The following BACH2 variants were observed in gnomAD, a reference collection of about 807,000 sequenced individuals.
BACH2 encodes the protein BACH transcriptional regulator 2.
Under a neutral mutation model 61.8 loss-of-function variants are expected in BACH2, and 5 were observed. The ratio of observed to expected loss-of-function variants is 0.08; its 90% CI spans 0.04 to 0.17. The LOEUF (loss-of-function observed/expected upper bound fraction) is 0.17, where lower values mean the gene tolerates loss of function less well. Ranked by LOEUF, BACH2 falls within the 10% of genes least tolerant of loss-of-function variation. The probability of loss-of-function intolerance (pLI) is 1.00; values close to 1 mark genes in which losing one functional copy is unlikely to be tolerated. For missense variants in BACH2, 824 were observed against 1,091.1 expected (o/e 0.76, Z 3.45); for synonymous variants, 446 against 440.1 (o/e 1.01, Z -0.17).
intron 4 of BACH2, among the ~76,000 whole-genome samples, chr6:90,090,902 A>G (rs1189098680): frequency 6.6e-6 from 1 of 152,182 alleles, no homozygotes; most frequent in African/African-American, 2.4e-5. Context: ...AAAAGCAGAA[A>G]AAGATGCAAA....
At position 90,296,555 on chromosome 6, in the gene BACH2, C is replaced by G. The variant is rs2127898234; in HGVS notation, c.-521G>C. 6.6e-6 allele frequency: 1 copy of G among 151,846 alleles called. No homozygotes were observed. Among genetic ancestry groups the G allele is most frequent in the Non-Finnish European group, 1.5e-5 (1 of 67,902 alleles). The allele number at this position is 151,846 out of a possible 1,614,324, so 9.4% of individuals were successfully genotyped here. On this transcript the variant is annotated 5_prime_UTR_variant, in exon 1 of 9. Transcript: ENST00000257749. ...CCGGCTCGCAGCCCCCTCCCGGCAGCCGGCGAGGTGGGCAGTTCGTGGGTC... is the reference window on the plus strand; with the variant it reads ...CCGGCTCGCAGCCCCCTCCCGGCAGGCGGCGAGGTGGGCAGTTCGTGGGTC...
chr6:90,161,085 T>C (rs1225796115), intron 4 of BACH2, among the ~76,000 whole-genome samples: 115 of 34,462 alleles, frequency 3.3e-3, no homozygotes, highest in East Asian at 0.025. Context: ...AGACTCCGTC[T>C]CAAAAAAAAA....
intron 4 of BACH2, among the ~76,000 whole-genome samples, chr6:90,123,769 CAAAAAAAAAAA>C (rs796903431): frequency 1.2e-4 from 4 of 33,984 alleles, no homozygotes; most frequent in Non-Finnish European, 2.7e-4. Flanking sequence ...GACTCCGTCT[CAAAAAAAAAAA>C]AAAAAAAAAA....
chr6:90,064,977 G>C (rs1258025576), intron 5 of BACH2, among the ~76,000 whole-genome samples: 1 of 152,110 alleles, frequency 6.6e-6, no homozygotes, highest in East Asian at 1.9e-4. Flanking sequence ...GGAAGAATGG[G>C]CTGATGTGGT....
chr6:89,935,491 G>T (rs1306750000), intron 8 of BACH2, among the ~76,000 whole-genome samples: 1 of 152,180 alleles, frequency 6.6e-6, no homozygotes, highest in African/African-American at 2.4e-5. Context: ...TGCCGCGTGT[G>T]ACAGCAGCAG....
At chr6:90,150,158 C>T (rs1243179993) in intron 4 of BACH2, among the ~76,000 whole-genome samples, 1 of 152,134 alleles carries the variant, frequency 6.6e-6, no homozygotes, top group African/African-American at 2.4e-5. Context: ...CAGTGATAAG[C>T]AACCAAGCCC....
chr6:89,997,586 A>G (rs1173657289), intron 6 of BACH2, among the ~76,000 whole-genome samples: 1 of 152,232 alleles, frequency 6.6e-6, no homozygotes, highest in African/African-American at 2.4e-5. Flanking sequence ...ATGGTAGTAG[A>G]GTGTTCATCT....
chr6:90,090,343 C>T (rs1017165790), intron 4 of BACH2, among the ~76,000 whole-genome samples: 3 of 151,966 alleles, frequency 2.0e-5, no homozygotes, highest in Non-Finnish European at 2.9e-5. Flanking sequence ...CATTTTCTTA[C>T]GCAGGTTCCC....
At chr6:90,169,525 G>A (rs1767743449) in intron 4 of BACH2, among the ~76,000 whole-genome samples, 2 of 152,134 alleles carry the variant, frequency 1.3e-5, no homozygotes, top group Non-Finnish European at 2.9e-5. Flanking sequence ...CACTACAATT[G>A]TTTAATAATA....
At chr6:90,099,700 A>G (rs1380396952) in intron 4 of BACH2, among the ~76,000 whole-genome samples, 1 of 151,812 alleles carries the variant, frequency 6.6e-6, no homozygotes, top group African/African-American at 2.4e-5. Context: ...TTTAGAAGCA[A>G]CTCCTGCTGC....
At chr6:90,114,122 TA>T (rs1269476363) in intron 4 of BACH2, among the ~76,000 whole-genome samples, 4 of 152,078 alleles carry the variant, frequency 2.6e-5, no homozygotes, top group Non-Finnish European at 5.9e-5. Flanking sequence ...CTACAGAAAT[TA>T]TTCCAAAAAA....
At chr6:90,007,250 A>G (rs1777458239) in intron 6 of BACH2, among the ~76,000 whole-genome samples, 1 of 151,706 alleles carries the variant, frequency 6.6e-6, no homozygotes, top group Non-Finnish European at 1.5e-5. Context: ...AATATTTTGT[A>G]TTTTTGGTAG....
rs9451298 is a variant in BACH2, at chr6:89,950,600, T to A, written c.1506A>T (p.Val502=). ...GTGAGCGAGGGCAGACTTTGATTGG[T>A]ACCGGGCAGCTGGTGTTGGGCCGCA... ...GRMRPNTSCP[V]PIKVCPRSPP... The change falls in exon 7 of 9, where the codon GTA becomes GTT. Residue 502 remains valine, a synonymous_variant. Transcript: ENST00000257749. The surrounding 1 kb of genome is among the most constrained non-coding windows in gnomAD (Gnocchi z 5.3). 1 of 1,613,170 alleles carries A rather than the reference T, an allele frequency of 6.2e-7. No individual in the cohort carries two copies. The highest frequency in any genetic ancestry group is 1.1e-5 in the South Asian group (1 of 91,018).
At chr6:90,017,420 C>G (rs1402782405) in intron 5 of BACH2, among the ~76,000 whole-genome samples, 1 of 152,036 alleles carries the variant, frequency 6.6e-6, no homozygotes, top group Middle Eastern at 3.2e-3. Context: ...CAGGGTTTCA[C>G]CATGTTGGCC....
chr6:90,218,253 T>A (rs1304413193), intron 3 of BACH2: 2 of 152,158 alleles, frequency 1.3e-5, no homozygotes, highest in African/African-American at 2.4e-5. Context: ...TGGTGGGTGT[T>A]GCTCTAAAAA....
At chr6:90,048,318 A>G (rs1306688116) in intron 5 of BACH2, among the ~76,000 whole-genome samples, 1 of 152,058 alleles carries the variant, frequency 6.6e-6, no homozygotes, top group Non-Finnish European at 1.5e-5. Flanking sequence ...TCGTAGAGAC[A>G]GGGTCTCACT....
At chr6:90,245,311 C>A (rs1770596077) in intron 3 of BACH2, among the ~76,000 whole-genome samples, 1 of 152,170 alleles carries the variant, frequency 6.6e-6, no homozygotes, top group Non-Finnish European at 1.5e-5. Context: ...GACATTTCAA[C>A]CAGGCTCAGT....
chr6:90,227,187 T>A (rs755107225), intron 3 of BACH2, among the ~76,000 whole-genome samples: 5 of 152,242 alleles, frequency 3.3e-5, no homozygotes, highest in Non-Finnish European at 5.9e-5. Flanking sequence ...AAGTGCAGCA[T>A]CTTCTGTCTA....
intron 4 of BACH2, among the ~76,000 whole-genome samples, chr6:90,126,293 T>C (rs1354274719): frequency 6.6e-6 from 1 of 152,160 alleles, no homozygotes; most frequent in Non-Finnish European, 1.5e-5. Context: ...ATTATTAACA[T>C]GTTTGAAAGG....
Sources: gnomAD v4.1 joint callset for allele counts (sites outside exome capture counted in the v4.1 genomes callset) on GRCh38, gnomAD v4.1.1 for gene constraint, Gnocchi (gnomAD v3.1) non-coding constraint, MANE v1.5 for transcripts, NCBI Gene and HGNC (gene_info 2026-07-23, HGNC 2026-07-21) for gene names.